Variants in NCAPD3 observed in about 807,000 individuals in gnomAD.
NCAPD3 encodes non-SMC condensin II complex subunit D3, also known as condensin-2 complex subunit D3.
A neutral mutation model predicts 182.9 loss-of-function variants in NCAPD3; 105 were observed. The observed-to-expected ratio is 0.57, with a 90% CI of 0.49 to 0.68. The LOEUF (loss-of-function observed/expected upper bound fraction) is 0.68, where lower values mean the gene tolerates loss of function less well. Ranked by LOEUF, NCAPD3 falls within the 30% of genes least tolerant of loss-of-function variation. The probability of loss-of-function intolerance (pLI) is 0.00; values close to 1 mark genes in which losing one functional copy is unlikely to be tolerated. For missense variants in NCAPD3, 1,944 were observed against 1,837.0 expected, an observed-to-expected ratio of 1.06 and a Z score of -1.07; for synonymous variants, 815 against 679.9, an observed-to-expected ratio of 1.20 and a Z score of -3.09.
At chr11:134,207,264 C>CTA (rs545303946) in intron 7 of NCAPD3, among the ~76,000 whole-genome samples, 46 of 151,864 alleles carry the variant, frequency 3.0e-4, no homozygotes, top group African/African-American at 9.9e-4. Flanking sequence ...CTAGATTTTA[C>CTA]TATATATATA....
upstream of NCAPD3, chr11:134,224,234 G>T (rs1938364064): frequency 5.8e-6 from 3 of 515,000 alleles, no homozygotes; most frequent in Admixed American, 1.0e-4. Context: ...TTCTTCAATG[G>T]GGGAAAATCT....
intron 16 of NCAPD3, 42 bp downstream of exon 16, chr11:134,192,647 G>A (rs541109005): frequency 2.4e-5 from 37 of 1,533,084 alleles, no homozygotes; most frequent in Admixed American, 1.9e-4. Context: ...AAAGTCCTAC[G>A]GCCTTCTTCT....
intron 27 of NCAPD3, 94 bp from the exon 28 acceptor site, chr11:134,161,985 A>G: frequency 1.6e-6 from 1 of 625,762 alleles, no homozygotes. Flanking sequence ...CCACCCTACC[A>G]CACTATGTAA....
upstream of NCAPD3, chr11:134,224,160 T>A (rs1938360574): frequency 1.7e-6 from 1 of 598,692 alleles, no homozygotes; most frequent in Admixed American, 3.0e-5. Context: ...GGTGTTCCGC[T>A]AATTCGTTCG....
chr11:134,153,789 ATGCGCGC>A, intron 32 of NCAPD3: 1 of 224,400 alleles, frequency 4.5e-6, no homozygotes, highest in Non-Finnish European at 9.0e-6. Context: ...TGACTGGAGC[ATGCGCGC>A]TGGAAATATG....
At chr11:134,161,069 A>G (rs1297875016) in intron 28 of NCAPD3, among the ~76,000 whole-genome samples, 1 of 152,092 alleles carries the variant, frequency 6.6e-6, no homozygotes, top group East Asian at 1.9e-4. Flanking sequence ...ATAAAAAGCT[A>G]TTTGAAAATT....
intron 19 of NCAPD3, among the ~76,000 whole-genome samples, chr11:134,183,688 A>G (rs1944343191): frequency 6.6e-6 from 1 of 152,242 alleles, no homozygotes; most frequent in Admixed American, 6.5e-5. Flanking sequence ...ATACCAGAAA[A>G]ACACCAGGCA....
chr11:134,204,794 C>T lies in NCAPD3; in HGVS notation c.1089+105G>A. Reference sequence around the variant, plus strand: ...TAAAACCACTTTAAGTAACAATGCACACTCATTCCCAAGAACAAATACCCA... The same window carrying T: ...TAAAACCACTTTAAGTAACAATGCATACTCATTCCCAAGAACAAATACCCA... On this transcript the variant is annotated intron_variant, in intron 9 of 34. Coordinates refer to ENST00000534548, the MANE Select transcript of NCAPD3 (RefSeq NM_015261.3). This position sits in a 1 kb window ranked among gnomAD's most constrained non-coding sequence, Gnocchi z 4.3. The T allele has an allele frequency of 1.2e-6, 1 of 868,072 alleles. No individual in the cohort carries two copies. Among genetic ancestry groups the T allele is most frequent in the Non-Finnish European group, 1.8e-6 (1 of 559,510 alleles). The allele number at this position is 868,072 out of a possible 1,614,324, so 53.8% of individuals were successfully genotyped here. A position where few individuals can be genotyped will look rare whatever the true frequency, so the allele number is the denominator to read the frequency against.
chr11:134,168,345 G>A (rs753014404), intron 26 of NCAPD3, 124 bp downstream of exon 26: 37 of 1,504,474 alleles, frequency 2.5e-5, no homozygotes, highest in Admixed American at 1.9e-4. Flanking sequence ...GCCAGAGAAG[G>A]ACAAGATGAC....
Position 134,206,657 on chromosome 11 carries a change from G to A in NCAPD3, c.958C>T (p.Pro320Ser), listed in dbSNP as rs758166606. ...LEVGEGSHRAPLAVTSQVINC... is the reference protein window; with the variant it reads ...LEVGEGSHRASLAVTSQVINC... Reference sequence around the variant, plus strand: ...ATGACTTGGGAGGTAACAGCAAGGGGGGCACGATGGGATCCTTCACCAACT... The same window carrying A: ...ATGACTTGGGAGGTAACAGCAAGGGAGGCACGATGGGATCCTTCACCAACT... The change falls in exon 8 of 35, where the codon CCC becomes TCC. Residue 320 changes from proline (P) to serine (S), a missense_variant. Around this residue, in one of 3 missense-constraint regions of NCAPD3, gnomAD observed 1,803 missense variants for 1,674.6 expected, o/e 1.08. Transcript: ENST00000534548. 1.9e-6 allele frequency: 3 copies of A among 1,613,608 alleles called. No individual in the cohort carries two copies. Among genetic ancestry groups the A allele is most frequent in the Non-Finnish European group, 2.5e-6 (3 of 1,179,812 alleles).
intron 16 of NCAPD3, among the ~76,000 whole-genome samples, chr11:134,185,763 A>G (rs975878768): frequency 3.3e-5 from 5 of 152,150 alleles, no homozygotes; most frequent in African/African-American, 7.2e-5. Flanking sequence ...AATATTCCTT[A>G]AAGTAAAGAA....
chr11:134,220,866 T>A (rs1249282287), intron 1 of NCAPD3, 140 bp from the exon 2 acceptor site: 1 of 729,860 alleles, frequency 1.4e-6, no homozygotes, highest in Non-Finnish European at 2.1e-6. Context: ...AACATAGGTG[T>A]AGCATAATAA....
chr11:134,197,011 C>G (rs1338315151), intron 13 of NCAPD3, among the ~76,000 whole-genome samples: 1 of 152,094 alleles, frequency 6.6e-6, no homozygotes, highest in Non-Finnish European at 1.5e-5. Flanking sequence ...GCAGATCCCT[C>G]GCAGCTTGGT....
chr11:134,167,191 G>A (rs1393790852), intron 27 of NCAPD3, among the ~76,000 whole-genome samples: 1 of 138,652 alleles, frequency 7.2e-6, no homozygotes, highest in Non-Finnish European at 1.6e-5. Flanking sequence ...ACACTCGTGA[G>A]ATGAGCTTAG....
chr11:134,212,081 A>G (rs1937853771), intron 3 of NCAPD3, among the ~76,000 whole-genome samples: 1 of 152,244 alleles, frequency 6.6e-6, no homozygotes, highest in South Asian at 2.1e-4. Flanking sequence ...AAGTTAACTC[A>G]GAATTTTATA....
intron 32 of NCAPD3, 24 bp from the exon 33 acceptor site, chr11:134,153,387 G>A (rs757703138): frequency 1.4e-5 from 22 of 1,606,056 alleles, no homozygotes; most frequent in Non-Finnish European, 1.8e-5. Context: ...AGACACCACT[G>A]AGTGAAAGCC....
intron 13 of NCAPD3, among the ~76,000 whole-genome samples, chr11:134,198,847 C>T (rs904827540): frequency 6.6e-6 from 1 of 151,950 alleles, no homozygotes; most frequent in East Asian, 1.9e-4. Flanking sequence ...ATTTAATTTG[C>T]AATACTATTG....
At chr11:134,183,205 C>T in intron 19 of NCAPD3, 1 of 455,466 alleles carries the variant, frequency 2.2e-6, no homozygotes, top group Non-Finnish European at 4.4e-6. Context: ...CTAGTCCCAG[C>T]TCTGCCGGTA....
chr11:134,153,671 G>A (rs1281282072), intron 32 of NCAPD3: 4 of 437,278 alleles, frequency 9.1e-6, no homozygotes, highest in African/African-American at 2.0e-5. Flanking sequence ...CCCGGTGACC[G>A]CCCTGTCCCA....
Sources: allele counts gnomAD v4.1 joint callset (sites outside exome capture counted in the v4.1 genomes callset), GRCh38; gene constraint gnomAD v4.1.1; regional missense constraint gnomAD v4.1.1; non-coding constraint Gnocchi (gnomAD v3.1); transcripts MANE v1.5; gene names NCBI Gene and HGNC (gene_info 2026-07-23, HGNC 2026-07-21).